The following MGAT5 variants were observed in gnomAD, a reference collection of about 807,000 sequenced individuals.
The protein encoded by MGAT5 is alpha-1,6-mannosylglycoprotein 6-beta-N-acetylglucosaminyltransferase A.
In MGAT5, 30 loss-of-function variants were observed where a neutral mutation model predicts 94.3. That is an observed-to-expected ratio of 0.32 (90% CI 0.24 to 0.43). The LOEUF (loss-of-function observed/expected upper bound fraction) is 0.43, where lower values mean the gene tolerates loss of function less well. MGAT5 is among the 20% of genes least tolerant of loss of function. MGAT5 has a pLI of 1.00. For synonymous variants in MGAT5, 310 were observed against 322.9 expected, an observed-to-expected ratio of 0.96 and a Z score of 0.43; for missense variants, 691 against 905.5, an observed-to-expected ratio of 0.76 and a Z score of 3.04.
chr2:134,294,250 A>C (rs1261491226), intron 2 of MGAT5, among the ~76,000 whole-genome samples: 2 of 152,172 alleles, frequency 1.3e-5, no homozygotes, highest in African/African-American at 4.8e-5. Flanking sequence ...AGTCATGGGA[A>C]GATCTCTGCA....
intron 1 of MGAT5, among the ~76,000 whole-genome samples, chr2:134,186,011 G>T (rs1344071390): frequency 6.6e-6 from 1 of 152,204 alleles, no homozygotes; most frequent in Non-Finnish European, 1.5e-5. Context: ...CGTAGATTAT[G>T]AATAGAGGCA....
intron 2 of MGAT5, among the ~76,000 whole-genome samples, chr2:134,273,031 G>A (rs1028942037): frequency 8.1e-5 from 10 of 123,448 alleles, no homozygotes; most frequent in Non-Finnish European, 1.5e-4. Flanking sequence ...GCGCGCGCGC[G>A]TGCGCGTGCA....
chr2:134,379,150 C>T (rs1681382800), intron 10 of MGAT5, among the ~76,000 whole-genome samples: 1 of 152,158 alleles, frequency 6.6e-6, no homozygotes, highest in Admixed American at 6.6e-5. Flanking sequence ...TGTATCAGTT[C>T]TTTCTCCCTA....
At chr2:134,180,656 C>T (rs1045971906) in intron 1 of MGAT5, among the ~76,000 whole-genome samples, 2 of 152,164 alleles carry the variant, frequency 1.3e-5, no homozygotes, top group Non-Finnish European at 2.9e-5. Flanking sequence ...GTGAGGACCG[C>T]ACTCCTGCCC....
At chr2:134,138,080 T>C (rs1195426950) in intron 1 of MGAT5, among the ~76,000 whole-genome samples, 2 of 151,744 alleles carry the variant, frequency 1.3e-5, no homozygotes, top group Non-Finnish European at 2.9e-5. Context: ...GGTCTCAAAC[T>C]CGTGGGATCA....
chr2:134,422,915 A>G lies in MGAT5; in HGVS notation c.1790A>G (p.Gln597Arg). 3.7e-6 allele frequency: 6 copies of G among 1,610,918 alleles called. No individual in the cohort carries two copies. The highest frequency in any genetic ancestry group is 5.1e-6 in the Non-Finnish European group (6 of 1,177,156). ...GATGCAGTGAAAGCAATTTTAAATC[A>G]GAAGGTTGGTTCATTTTATTCCACT... ...VEDAVKAILN[Q>R]KIEPYMPYEF... The change falls in exon 13 of 16, where the codon CAG becomes CGG. Residue 597 changes from glutamine (Q) to arginine (R), a missense_variant. Coordinates refer to ENST00000281923, the MANE Select transcript of MGAT5 (RefSeq NM_002410.5).
chr2:134,254,182 T>C lies in MGAT5; in HGVS notation c.-222T>C. On this transcript the variant is annotated 5_prime_UTR_variant, in exon 1 of 16. Transcript: ENST00000281923. ...AGAGTTGACATTTTACTTAGAGGTA[T>C]TCAAGTGAAAACATGGCTTCTGGTT... 1.7e-6 allele frequency: 1 copy of C among 596,296 alleles called. No individual in the cohort carries two copies. The highest frequency in any genetic ancestry group is 3.0e-6 in the Non-Finnish European group (1 of 336,748). The allele number at this position is 596,296 out of a possible 1,614,324, so 36.9% of individuals were successfully genotyped here. A position where few individuals can be genotyped will look rare whatever the true frequency, so the allele number is the denominator to read the frequency against.
rs73960811 is a variant in MGAT5, at chr2:134,234,970, T to C, written c.-142-19292T>C. ...GGTTGTAAGGAAGGTTGCAGATGCG[T>C]TTTATTTGGACCACCAGAATTTTTT... On this transcript the variant is annotated intron_variant, in intron 1 of 16. Transcript: ENST00000409645. 5.2e-3 allele frequency among the ~76,000 whole-genome samples: 670 copies of C among 128,688 alleles called. 6 individuals are homozygous for C. Among genetic ancestry groups the C allele is most frequent in the African/African-American group, 0.019 (654 of 33,852 alleles). 84.4% of individuals were successfully genotyped at this position (128,688 alleles called of 152,430 possible).
intron 1 of MGAT5, among the ~76,000 whole-genome samples, chr2:134,166,174 G>T (rs116686498): frequency 0.01 from 1,529 of 152,296 alleles, 28 homozygotes; most frequent in African/African-American, 0.035. Context: ...TGAGCCAGGA[G>T]TGCTGAGATG....
chr2:134,330,495 C>T (rs1687894851), intron 4 of MGAT5, among the ~76,000 whole-genome samples: 1 of 151,580 alleles, frequency 6.6e-6, no homozygotes, highest in African/African-American at 2.4e-5. Context: ...TTGACTTCAT[C>T]CCATGTAACA....
intron 1 of MGAT5, among the ~76,000 whole-genome samples, chr2:134,152,219 C>T (rs1175296630): frequency 6.7e-6 from 1 of 149,842 alleles, no homozygotes; most frequent in African/African-American, 2.5e-5. Context: ...CTCACTCACA[C>T]CCTATGGGAC....
At chr2:134,269,754 G>T (rs1683915342) in intron 1 of MGAT5, among the ~76,000 whole-genome samples, 1 of 152,170 alleles carries the variant, frequency 6.6e-6, no homozygotes, top group Admixed American at 6.5e-5. Flanking sequence ...TATATCCCCA[G>T]CATCTAGAAT....
chr2:134,261,634 C>G (rs1409092081), intron 1 of MGAT5, among the ~76,000 whole-genome samples: 1 of 152,222 alleles, frequency 6.6e-6, no homozygotes, highest in African/African-American at 2.4e-5. Flanking sequence ...CTGTTACTCT[C>G]ATTCTTTATA....
intron 1 of MGAT5, among the ~76,000 whole-genome samples, chr2:134,260,782 C>T (rs1308064526): frequency 6.6e-6 from 1 of 151,126 alleles, no homozygotes; most frequent in Admixed American, 6.6e-5. Context: ...AATCCCCTGC[C>T]CTTGAGGGAA....
chr2:134,396,397 G>A (rs997730442), intron 10 of MGAT5, among the ~76,000 whole-genome samples: 1 of 152,120 alleles, frequency 6.6e-6, no homozygotes, highest in Non-Finnish European at 1.5e-5. Context: ...TTAGACTTCA[G>A]GAGCAAGCAG....
At chr2:134,274,990 C>T (rs1684271783) in intron 2 of MGAT5, among the ~76,000 whole-genome samples, 1 of 152,180 alleles carries the variant, frequency 6.6e-6, no homozygotes, top group Non-Finnish European at 1.5e-5. Context: ...CCAGGGCTTG[C>T]ATTTGGAAGT....
intron 1 of MGAT5, among the ~76,000 whole-genome samples, chr2:134,166,853 T>G (rs1687984806): frequency 6.6e-6 from 1 of 152,024 alleles, no homozygotes; most frequent in Non-Finnish European, 1.5e-5. Flanking sequence ...AAATCAACTG[T>G]TTTTTTTCTT....
At chr2:134,303,273 A>C (rs1403211830) in intron 2 of MGAT5, among the ~76,000 whole-genome samples, 1 of 152,028 alleles carries the variant, frequency 6.6e-6, no homozygotes, top group Non-Finnish European at 1.5e-5. Context: ...CAGTTGCGTC[A>C]TCTTGTTTTT....
chr2:134,405,471 G>C (rs1405283501), intron 11 of MGAT5, among the ~76,000 whole-genome samples: 1 of 152,222 alleles, frequency 6.6e-6, no homozygotes, highest in Non-Finnish European at 1.5e-5. Flanking sequence ...GCTCCAAAAT[G>C]AATGAACCTT....
Sources: allele counts gnomAD v4.1 joint callset (sites outside exome capture counted in the v4.1 genomes callset), GRCh38; gene constraint gnomAD v4.1.1; transcripts MANE v1.5; gene names NCBI Gene and HGNC (gene_info 2026-07-23, HGNC 2026-07-21).